Variants in PREP observed in about 807,000 individuals in gnomAD.
PREP encodes the protein prolyl endopeptidase, also known as dJ355L5.1 (prolyl endopeptidase).
Under a neutral mutation model 87.6 loss-of-function variants are expected in PREP, and 29 were observed. The ratio of observed to expected loss-of-function variants is 0.33; its 90% CI spans 0.25 to 0.45. PREP has a LOEUF of 0.45. Among genes scored for constraint, PREP ranks in the 20% least tolerant of loss-of-function variants. The pLI is 1.00. For missense variants in PREP, 695 were observed against 886.5 expected (o/e 0.78, Z 2.74); for synonymous variants, 337 against 328.6 (o/e 1.03, Z -0.28).
In PREP at chr6:105,286,743, C is replaced by G. The variant is rs189001043; in HGVS notation, c.1455-1163G>C. On this transcript the variant is annotated intron_variant, in intron 11 of 14. Coordinates refer to ENST00000652536, the MANE Select transcript of PREP (RefSeq NM_002726.5). ...GATGTATCAGACCATCCAACCACACCTTATTAGCCAGATTGATGTTTGATC... is the reference window on the plus strand; with the variant it reads ...GATGTATCAGACCATCCAACCACACGTTATTAGCCAGATTGATGTTTGATC... Among the ~76,000 whole-genome samples, 1,123 of 151,730 alleles carry G rather than the reference C, an allele frequency of 7.4e-3. 7 individuals are homozygous for G. The highest frequency in any genetic ancestry group is 0.012 in the Non-Finnish European group (836 of 67,866).
At chr6:105,356,443 C>T (rs367664388) in intron 6 of PREP, among the ~76,000 whole-genome samples, 4 of 152,302 alleles carry the variant, frequency 2.6e-5, no homozygotes, top group Middle Eastern at 3.4e-3. Context: ...TCTCAGTCAG[C>T]GTACACACTG....
chr6:105,387,458 G>T (rs1469228657), intron 2 of PREP, among the ~76,000 whole-genome samples: 4 of 152,040 alleles, frequency 2.6e-5, no homozygotes, highest in African/African-American at 4.8e-5. Flanking sequence ...TTCTAAAATG[G>T]AGCTTTCCCT....
intron 7 of PREP, among the ~76,000 whole-genome samples, chr6:105,345,813 A>G (rs1280155328): frequency 6.6e-6 from 1 of 152,176 alleles, no homozygotes; most frequent in African/African-American, 2.4e-5. Flanking sequence ...TTTCCTGGGG[A>G]TAATAATCCG....
At chr6:105,373,640 T>C (rs1404011755) in intron 4 of PREP, 62 bp from the exon 5 acceptor site, 1 of 1,444,478 alleles carries the variant, frequency 6.9e-7, no homozygotes, top group South Asian at 1.2e-5. Context: ...CGGTCCTTTA[T>C]GCCATCTAAC....
At chr6:105,338,925 G>A (rs1385215531) in intron 7 of PREP, among the ~76,000 whole-genome samples, 1 of 152,204 alleles carries the variant, frequency 6.6e-6, no homozygotes, top group Non-Finnish European at 1.5e-5. Flanking sequence ...ACAGCTCAAG[G>A]AGGCCTGCTT....
At chr6:105,342,866 G>GAAAT (rs1212667292) in intron 7 of PREP, among the ~76,000 whole-genome samples, 1 of 152,190 alleles carries the variant, frequency 6.6e-6, no homozygotes, top group African/African-American at 2.4e-5. Context: ...ACTGCTCAAC[G>GAAAT]AAATAAAAGA....
chr6:105,299,581 A>G (rs1374679188), intron 10 of PREP, among the ~76,000 whole-genome samples: 1 of 152,176 alleles, frequency 6.6e-6, no homozygotes, highest in African/African-American at 2.4e-5. Flanking sequence ...CCTGGGCAAC[A>G]GAGCCAGACT....
At chr6:105,297,217 G>A (rs1770429206) in intron 10 of PREP, among the ~76,000 whole-genome samples, 1 of 152,200 alleles carries the variant, frequency 6.6e-6, no homozygotes, top group Admixed American at 6.5e-5. Flanking sequence ...GGTTTCACAA[G>A]CAAGTGTCTT....
Position 105,277,667 on chromosome 6 carries a change from C to CTCCACTTCTGGA in PREP, c.*465_*476dup, listed in dbSNP as rs1769973906. 6.4e-6 allele frequency: 1 copy of CTCCACTTCTGGA among 156,008 alleles called. No homozygotes were observed. Among genetic ancestry groups the CTCCACTTCTGGA allele is most frequent in the Non-Finnish European group, 1.4e-5 (1 of 70,376 alleles). 9.7% of individuals were successfully genotyped at this position (156,008 alleles called of 1,614,324 possible). On this transcript the variant is annotated 3_prime_UTR_variant, in exon 15 of 15. Coordinates refer to ENST00000652536, the MANE Select transcript of PREP (RefSeq NM_002726.5). The stretch of plus-strand genomic sequence containing the variant: ...TGAAATGCTTTATTCTCACAGAAAA[C>CTCCACTTCTGGA]TCCACTTCTGGAGTTGCCCCTCAAT...
At position 105,278,563 on chromosome 6, in the gene PREP, T is replaced by C; in HGVS notation, c.1839-125A>G. ...TAGTACGTGAGTGACCACCATGGAC[T>C]GTGCCTATGCGTTACCATTTAGGCC... On this transcript the variant is annotated intron_variant, in intron 14 of 14. Coordinates refer to ENST00000652536, the MANE Select transcript of PREP (RefSeq NM_002726.5). This position sits in a 1 kb window ranked among gnomAD's most constrained non-coding sequence, Gnocchi z 4.2. The C allele has an allele frequency of 9.9e-7, 1 of 1,006,460 alleles. No individual in the cohort carries two copies. The highest frequency in any genetic ancestry group is 1.4e-6 in the Non-Finnish European group (1 of 695,028). The allele number at this position is 1,006,460 out of a possible 1,614,324, so 62.3% of individuals were successfully genotyped here.
At chr6:105,353,536 C>T (rs1772011975) in intron 6 of PREP, among the ~76,000 whole-genome samples, 1 of 151,832 alleles carries the variant, frequency 6.6e-6, no homozygotes, top group South Asian at 2.1e-4. Context: ...TTTGGGAAGC[C>T]GAGTGGGGGT....
chr6:105,281,504 G>C, intron 14 of PREP: 2 of 421,156 alleles, frequency 4.7e-6, no homozygotes, highest in Non-Finnish European at 4.3e-6. Context: ...GAATAACCAG[G>C]GTAGGAATCT....
rs766897683 is a variant in PREP at position 105,288,879 on chromosome 6, T to C, written c.1333A>G (p.Lys445Glu). Reference protein sequence around the residue: ...YQTVQIFYPSKDGTKIPMFIV... With the variant: ...YQTVQIFYPSEDGTKIPMFIV... ...AACATTGGAATCTTCGTACCATCCT[T>C]GCTAGGGTAGAAAATCTAGAATATA... Residue 445 changes from lysine to glutamate, a missense_variant, in exon 11 of 15, where the codon AAG (lysine) becomes GAG (glutamate). Lys to Glu is a moderately conservative substitution (Grantham distance 56). Transcript: ENST00000652536. 1.2e-6 allele frequency: 2 copies of C among 1,612,850 alleles called. No homozygotes were observed. The highest frequency in any genetic ancestry group is 3.3e-5 in the Admixed American group (2 of 60,004).
At chr6:105,327,886 A>G (rs1480422089) in intron 9 of PREP, among the ~76,000 whole-genome samples, 1 of 152,212 alleles carries the variant, frequency 6.6e-6, no homozygotes, top group East Asian at 1.9e-4. Context: ...GACGCTACAA[A>G]AACAGTGCAG....
intron 2 of PREP, among the ~76,000 whole-genome samples, chr6:105,391,618 A>G (rs1773150018): frequency 6.6e-6 from 1 of 152,256 alleles, no homozygotes; most frequent in Admixed American, 6.5e-5. Context: ...AGTAGTACAA[A>G]GAAAAGGGTA....
chr6:105,359,245 T>C (rs932578246), intron 6 of PREP, among the ~76,000 whole-genome samples: 5 of 152,218 alleles, frequency 3.3e-5, no homozygotes, highest in Middle Eastern at 3.4e-3. Flanking sequence ...GAGAGACAGA[T>C]ACACTAAAGG....
At chr6:105,307,798 A>C (rs1272294847) in intron 10 of PREP, among the ~76,000 whole-genome samples, 1 of 152,058 alleles carries the variant, frequency 6.6e-6, no homozygotes, top group East Asian at 1.9e-4. Context: ...TTCTTAGTAG[A>C]GACAGAGTTT....
rs755777665 is a variant in PREP, at chr6:105,376,160, T to C, written c.350A>G (p.Asn117Ser). 18 of 1,613,802 alleles carry C rather than the reference T, an allele frequency of 1.1e-5. No homozygotes were observed. The highest frequency in any genetic ancestry group is 2.7e-5 in the African/African-American group (2 of 74,892). The change falls in exon 4 of 15, where the codon AAC becomes AGC. Residue 117 changes from asparagine to serine, a missense_variant. Around this residue, in one of 5 missense-constraint regions of PREP, gnomAD observed 517 missense variants for 620.3 expected, o/e 0.83. Transcript: ENST00000652536. ...CACTGTGCCATCGTCAGACAGTATGTTGGGGTCCAGGAACACTCTGGCCTC... is the reference window on the plus strand; with the variant it reads ...CACTGTGCCATCGTCAGACAGTATGCTGGGGTCCAGGAACACTCTGGCCTC... ...EGEARVFLDP[N>S]ILSDDGTVAL...
chr6:105,382,666 A>T (rs939024241), intron 2 of PREP, among the ~76,000 whole-genome samples: 7 of 151,692 alleles, frequency 4.6e-5, no homozygotes, highest in Admixed American at 1.3e-4. Context: ...AAAGATAAAG[A>T]TATGTGCTAG....
Sources: gnomAD v4.1 joint callset for allele counts (sites outside exome capture counted in the v4.1 genomes callset) on GRCh38, gnomAD v4.1.1 for gene constraint, gnomAD v4.1.1 regional missense constraint, Gnocchi (gnomAD v3.1) non-coding constraint, MANE v1.5 for transcripts, NCBI Gene and HGNC (gene_info 2026-07-23, HGNC 2026-07-21) for gene names.